Variants in ROBO1 observed in about 807,000 individuals in gnomAD.
ROBO1 encodes roundabout guidance receptor 1.
ROBO1 carries 149 observed loss-of-function variants against 195.9 expected under a neutral mutation model. The observed-to-expected ratio is 0.76, with a 90% CI of 0.67 to 0.87. The LOEUF is 0.87. Ranked by LOEUF, ROBO1 falls within the 40% of genes least tolerant of loss-of-function variation. The pLI is 0.00. For synonymous variants in ROBO1, 816 were observed against 733.2 expected (o/e 1.11, Z -1.82); for missense variants, 1,933 against 2,068.3 (o/e 0.93, Z 1.27).
chr3:78,898,006 T>C (rs1166032083), intron 4 of ROBO1, among the ~76,000 whole-genome samples: 1 of 151,632 alleles, frequency 6.6e-6, no homozygotes, highest in Admixed American at 6.6e-5. Flanking sequence ...CAAATTTAAA[T>C]ATAATATATA....
At chr3:79,607,045 G>A (rs903561637) in intron 1 of ROBO1, among the ~76,000 whole-genome samples, 1 of 148,650 alleles carries the variant, frequency 6.7e-6, no homozygotes, top group Admixed American at 6.8e-5. Context: ...GCATAATACA[G>A]TTAATTTTAT....
At chr3:79,575,387 TAAC>T (rs1230362269) in intron 2 of ROBO1, among the ~76,000 whole-genome samples, 5 of 127,692 alleles carry the variant, frequency 3.9e-5, no homozygotes, top group East Asian at 2.1e-4. Flanking sequence ...TAAATATAGA[TAAC>T]AAATATATAT....
chr3:79,725,547 C>A (rs1702887808), intron 1 of ROBO1, among the ~76,000 whole-genome samples: 1 of 152,110 alleles, frequency 6.6e-6, no homozygotes, highest in East Asian at 1.9e-4. Context: ...CTTATATCTG[C>A]AGGAGATGCA....
At chr3:78,605,517 T>C (rs757525281) in intron 29 of ROBO1, among the ~76,000 whole-genome samples, 1 of 152,224 alleles carries the variant, frequency 6.6e-6, no homozygotes, top group South Asian at 2.1e-4. Flanking sequence ...GGATAGCTGA[T>C]TGATAAATAG....
chr3:78,971,579 C>T (rs1469370189), intron 3 of ROBO1, among the ~76,000 whole-genome samples: 1 of 152,098 alleles, frequency 6.6e-6, no homozygotes, highest in East Asian at 1.9e-4. Flanking sequence ...GGTAAAGTGG[C>T]CAGGCCAACC....
At chr3:79,672,656 C>T (rs568153504) in intron 1 of ROBO1, among the ~76,000 whole-genome samples, 6 of 151,778 alleles carry the variant, frequency 4.0e-5, no homozygotes, top group Admixed American at 6.6e-5. Flanking sequence ...TAATAGTTTC[C>T]GTAGTTGTTG....
chr3:79,628,257 T>A (rs1560051750), intron 1 of ROBO1, among the ~76,000 whole-genome samples: 1 of 152,150 alleles, frequency 6.6e-6, no homozygotes, highest in Non-Finnish European at 1.5e-5. Context: ...ATGATAGACA[T>A]AGATATATCA....
At chr3:79,100,461 C>T (rs1307007953) in intron 3 of ROBO1, among the ~76,000 whole-genome samples, 2 of 151,262 alleles carry the variant, frequency 1.3e-5, no homozygotes, top group Non-Finnish European at 3.0e-5. Flanking sequence ...GAAGAGTGAG[C>T]AGGTTAGGAA....
At chr3:79,435,639 A>G (rs1421926967) in intron 2 of ROBO1, among the ~76,000 whole-genome samples, 2 of 152,216 alleles carry the variant, frequency 1.3e-5, no homozygotes, top group African/African-American at 4.8e-5. Context: ...AGGAACCACC[A>G]GAACTCAGGA....
intron 2 of ROBO1, among the ~76,000 whole-genome samples, chr3:79,230,572 A>G (rs1485510390): frequency 1.3e-5 from 2 of 152,168 alleles, no homozygotes; most frequent in Admixed American, 6.6e-5. Context: ...CAAGATCTCC[A>G]TAACAACTAT....
chr3:79,619,360 T>C (rs34565288), intron 1 of ROBO1, among the ~76,000 whole-genome samples: 86,682 of 151,920 alleles, frequency 0.57, 26,197 homozygotes, highest in East Asian at 0.89. Context: ...CCTTAGCCTG[T>C]GTTCTCAAGA....
intron 1 of ROBO1, among the ~76,000 whole-genome samples, chr3:79,631,013 T>A (rs181394370): frequency 2.4e-4 from 37 of 152,038 alleles, no homozygotes; most frequent in Non-Finnish European, 1.5e-4. Flanking sequence ...TGTTTACTGA[T>A]TGGAATAATC....
intron 1 of ROBO1, among the ~76,000 whole-genome samples, chr3:79,614,561 A>C (rs1944761460): frequency 6.6e-6 from 1 of 152,252 alleles, no homozygotes; most frequent in Non-Finnish European, 1.5e-5. Flanking sequence ...GTATTTATAT[A>C]GTCTAGCAAT....
intron 19 of ROBO1, among the ~76,000 whole-genome samples, chr3:78,651,379 C>T (rs56026231): frequency 0.022 from 3,388 of 152,024 alleles, 112 homozygotes; most frequent in African/African-American, 0.071. Context: ...TCAAAGGTTG[C>T]GTTTATAATT....
chr3:79,316,961 T>C (rs139339577), intron 2 of ROBO1, among the ~76,000 whole-genome samples: 1 of 152,304 alleles, frequency 6.6e-6, no homozygotes, highest in Non-Finnish European at 1.5e-5. Flanking sequence ...AGTCACACAC[T>C]GTCATTGCAT....
intron 2 of ROBO1, among the ~76,000 whole-genome samples, chr3:79,399,307 A>C (rs140807039): frequency 0.01 from 1,554 of 152,156 alleles, 21 homozygotes; most frequent in African/African-American, 0.034. Flanking sequence ...TTAAAATCTC[A>C]ATCCCTTATA....
intron 2 of ROBO1, among the ~76,000 whole-genome samples, chr3:79,268,406 T>C (rs536766444): frequency 3.3e-5 from 5 of 151,740 alleles, no homozygotes; most frequent in African/African-American, 1.2e-4. Context: ...ATTTAAATAT[T>C]TGGAAATAAT....
chr3:78,784,631 T>C (rs1191044168), intron 4 of ROBO1, among the ~76,000 whole-genome samples: 3 of 152,176 alleles, frequency 2.0e-5, no homozygotes, highest in Non-Finnish European at 4.4e-5. Flanking sequence ...TAAGGAATGT[T>C]AGAGTTCTTA....
At position 79,713,737 on chromosome 3, in the gene ROBO1, T is replaced by C. The variant is rs933692700; in HGVS notation, c.-51+54015A>G. 8.5e-5 allele frequency among the ~76,000 whole-genome samples: 13 copies of C among 152,290 alleles called. No individual in the cohort carries two copies. In the East Asian group the frequency reaches 2.3e-3, roughly 27 times the overall value. ...TTTTTATGGTTTTAGGTCTAACATG[T>C]AAGTCTTTAATCCATCTTGAATTAA... is the stretch of plus-strand genomic sequence containing the variant. On this transcript the variant is annotated intron_variant, in intron 1 of 30. Coordinates refer to ENST00000464233, the MANE Select transcript of ROBO1 (RefSeq NM_002941.4).
Sources: gnomAD v4.1 joint callset for allele counts (sites outside exome capture counted in the v4.1 genomes callset) on GRCh38, gnomAD v4.1.1 for gene constraint, MANE v1.5 for transcripts, NCBI Gene and HGNC (gene_info 2026-07-23, HGNC 2026-07-21) for gene names.